The following LINGO2 variants were observed in gnomAD, a reference collection of about 807,000 sequenced individuals.
LINGO2 encodes leucine-rich repeat and immunoglobulin-like domain-containing nogo receptor-interacting protein 2.
A neutral mutation model predicts 30.6 loss-of-function variants in LINGO2; 14 were observed. The observed-to-expected ratio is 0.46, with a 90% CI of 0.30 to 0.72. LINGO2 has a LOEUF of 0.72. Ranked by LOEUF, LINGO2 falls within the 30% of genes least tolerant of loss-of-function variation. The pLI, the probability that LINGO2 is intolerant of heterozygous loss-of-function variation, is 0.07. For synonymous variants in LINGO2, 317 were observed against 288.5 expected, an observed-to-expected ratio of 1.10 and a Z score of -1.00; for missense variants, 729 against 751.7, an observed-to-expected ratio of 0.97 and a Z score of 0.35.
the LINGO2 span, among the ~76,000 whole-genome samples, chr9:28,884,920 T>C: frequency 3.0e-5 from 1 of 33,704 alleles, no homozygotes; most frequent in Non-Finnish European, 7.0e-5. Context: ...ATTTAGATAC[T>C]ATATATAATA....
intron 4 of LINGO2, among the ~76,000 whole-genome samples, chr9:28,213,660 A>C (rs1227968175): frequency 6.6e-6 from 1 of 151,462 alleles, no homozygotes; most frequent in Non-Finnish European, 1.5e-5. Flanking sequence ...ATTATTATCT[A>C]GCTCAGTTTA....
intron 4 of LINGO2, among the ~76,000 whole-genome samples, chr9:28,254,902 A>T (rs1822330896): frequency 6.6e-6 from 1 of 151,948 alleles, no homozygotes; most frequent in Non-Finnish European, 1.5e-5. Context: ...ATTTTTCCTG[A>T]TCCTCTCCCT....
chr9:28,735,709 A>G, the LINGO2 span, among the ~76,000 whole-genome samples: 1 of 152,146 alleles, frequency 6.6e-6, no homozygotes, highest in African/African-American at 2.4e-5. Flanking sequence ...ATGATCTATA[A>G]TGACATTCTT....
At chr9:28,546,160 G>C (rs143046020) in intron 1 of LINGO2, among the ~76,000 whole-genome samples, 6 of 151,974 alleles carry the variant, frequency 3.9e-5, no homozygotes, top group South Asian at 4.1e-4. Context: ...AAGAAAAAAG[G>C]CCTTTAGATC....
the LINGO2 span, among the ~76,000 whole-genome samples, chr9:28,915,037 CAGG>C: frequency 2.0e-5 from 3 of 152,084 alleles, no homozygotes; most frequent in African/African-American, 7.2e-5. Flanking sequence ...GAGGCTGAGG[CAGG>C]AGAATTGCTT....
chr9:28,285,569 C>A, intron 4 of LINGO2, among the ~76,000 whole-genome samples: 1 of 151,886 alleles, frequency 6.6e-6, no homozygotes, highest in East Asian at 1.9e-4. Flanking sequence ...CCATGCCTGG[C>A]TAATTTTTTG....
intron 2 of LINGO2, among the ~76,000 whole-genome samples, chr9:28,406,725 A>C (rs1429013524): frequency 1.3e-5 from 2 of 152,180 alleles, no homozygotes; most frequent in Admixed American, 6.5e-5. Context: ...AATTGTTCTT[A>C]TTATTATTTC....
At chr9:29,114,380 T>TTTA in the LINGO2 span, among the ~76,000 whole-genome samples, 19,345 of 142,854 alleles carry the variant, frequency 0.14, 1,336 homozygotes, top group African/African-American at 0.16. Flanking sequence ...ATTTTTTTCT[T>TTTA]TTATTATTAT....
chr9:28,965,914 A>C, the LINGO2 span, among the ~76,000 whole-genome samples: 1 of 152,166 alleles, frequency 6.6e-6, no homozygotes, highest in Non-Finnish European at 1.5e-5. Flanking sequence ...TTTAAGTACG[A>C]ATTTGTCTAG....
the LINGO2 span, among the ~76,000 whole-genome samples, chr9:28,939,850 T>C: frequency 6.6e-6 from 1 of 152,136 alleles, no homozygotes; most frequent in Non-Finnish European, 1.5e-5. Flanking sequence ...GGTCTTTACC[T>C]TTATTAAGAC....
chr9:29,041,546 G>A, the LINGO2 span, among the ~76,000 whole-genome samples: 1 of 151,954 alleles, frequency 6.6e-6, no homozygotes, highest in Non-Finnish European at 1.5e-5. Context: ...AATATGGACA[G>A]ATGGGTAACC....
intron 1 of LINGO2, among the ~76,000 whole-genome samples, chr9:28,524,475 C>T: frequency 6.6e-6 from 1 of 152,174 alleles, no homozygotes; most frequent in Non-Finnish European, 1.5e-5. Context: ...CAAGGAAGGG[C>T]CGGGCGTGGT....
At chr9:27,997,608 C>G (rs1821734563) in intron 5 of LINGO2, among the ~76,000 whole-genome samples, 1 of 152,170 alleles carries the variant, frequency 6.6e-6, no homozygotes, top group South Asian at 2.1e-4. Context: ...CTAATTTTTA[C>G]TGTGTACTTA....
At chr9:28,297,911 G>GT (rs1823984415) in intron 3 of LINGO2, among the ~76,000 whole-genome samples, 1 of 152,196 alleles carries the variant, frequency 6.6e-6, no homozygotes, top group Non-Finnish European at 1.5e-5. Flanking sequence ...ACTTTTGTGT[G>GT]TGCGGGGGTA....
intron 1 of LINGO2, among the ~76,000 whole-genome samples, chr9:28,648,600 T>C (rs916265117): frequency 5.3e-5 from 8 of 152,128 alleles, no homozygotes; most frequent in Non-Finnish European, 1.0e-4. Context: ...TATTATGCTG[T>C]TTAATTTTCA....
intron 4 of LINGO2, among the ~76,000 whole-genome samples, chr9:28,026,828 A>G (rs893374381): frequency 2.6e-5 from 4 of 152,152 alleles, no homozygotes; most frequent in African/African-American, 7.2e-5. Context: ...TTTTATTGCC[A>G]GTTATAAGTG....
chr9:28,095,835 T>G (rs1376455780), intron 4 of LINGO2, among the ~76,000 whole-genome samples: 3 of 152,048 alleles, frequency 2.0e-5, no homozygotes, highest in Non-Finnish European at 4.4e-5. Flanking sequence ...AACATCAGAA[T>G]CTACAATGAA....
At chr9:28,154,666 G>A (rs917803539) in intron 4 of LINGO2, among the ~76,000 whole-genome samples, 7 of 152,096 alleles carry the variant, frequency 4.6e-5, no homozygotes, top group Non-Finnish European at 1.0e-4. Flanking sequence ...ATAATCAAAG[G>A]TTATGAATTT....
chr9:28,652,153 A>G (rs964921896), intron 1 of LINGO2, among the ~76,000 whole-genome samples: 1 of 152,036 alleles, frequency 6.6e-6, no homozygotes, highest in African/African-American at 2.4e-5. Flanking sequence ...ATCTTTGTAT[A>G]TTACCCTTTT....
Sources: gnomAD v4.1 joint callset for allele counts (sites outside exome capture counted in the v4.1 genomes callset) on GRCh38, gnomAD v4.1.1 for gene constraint, MANE v1.5 for transcripts, NCBI Gene and HGNC (gene_info 2026-07-23, HGNC 2026-07-21) for gene names.